EML6: variants seen among roughly 807,000 people sequenced by gnomAD.
EML6 encodes the protein echinoderm microtubule-associated protein-like 6.
Under a neutral mutation model 240.1 loss-of-function variants are expected in EML6, and 154 were observed. That is an observed-to-expected ratio of 0.64 (90% CI 0.56 to 0.73). EML6 has a LOEUF of 0.73. Ranked by LOEUF, EML6 falls within the 30% of genes least tolerant of loss-of-function variation. The pLI is 0.00. For synonymous variants in EML6, 1,148 were observed against 899.0 expected (o/e 1.28, Z -4.95); for missense variants, 2,964 against 2,474.6 (o/e 1.20, Z -4.20).
intron 31 of EML6, among the ~76,000 whole-genome samples, chr2:54,953,288 C>T (rs1260641804): frequency 6.6e-6 from 1 of 152,192 alleles, no homozygotes; most frequent in Non-Finnish European, 1.5e-5. Flanking sequence ...ATTGCTCACC[C>T]AATGCAGGTG....
chr2:54,784,278 G>T (rs1223154159), intron 2 of EML6, among the ~76,000 whole-genome samples: 1 of 152,074 alleles, frequency 6.6e-6, no homozygotes, highest in Non-Finnish European at 1.5e-5. Context: ...TCTTTATGAA[G>T]TTGTAAATTT....
At chr2:54,852,673 T>C (rs2103766900) in intron 10 of EML6, among the ~76,000 whole-genome samples, 1 of 152,342 alleles carries the variant, frequency 6.6e-6, no homozygotes, top group East Asian at 1.9e-4. Flanking sequence ...GTCTCTTTAA[T>C]GAAGTTTTAC....
intron 41 of EML6, 38 bp downstream of exon 41, chr2:54,968,806 CT>C: frequency 8.8e-7 from 1 of 1,140,690 alleles, no homozygotes. Context: ...CTCCACAGGC[CT>C]GGCCAGCTCT....
intron 2 of EML6, among the ~76,000 whole-genome samples, chr2:54,805,089 G>C (rs1385347743): frequency 7.9e-5 from 12 of 152,156 alleles, no homozygotes; most frequent in Admixed American, 7.9e-4. Flanking sequence ...GAATGCTCCA[G>C]AGTTCTTTCA....
Position 54,850,079 on chromosome 2 carries a change from T to C in EML6, c.1305T>C (p.Tyr435=). The change falls in exon 10 of 42, where the codon TAT becomes TAC. Residue 435 remains tyrosine (Y), a synonymous_variant. Coordinates refer to ENST00000356458, the MANE Select transcript of EML6 (RefSeq NM_001039753.4). ...CCAATGATGGCCCAGTAGATGTCTA[T>C]GCTGTTGCCCAGAGGTATAAGAAAA... The part of the protein sequence containing the change: ...VGSNDGPVDV[Y]AVAQRYKKIG... 1 of 1,552,138 alleles carries C rather than the reference T, an allele frequency of 6.4e-7. No individual in the cohort carries two copies. The highest frequency in any genetic ancestry group is 8.7e-7 in the Non-Finnish European group (1 of 1,147,074).
At chr2:54,940,349 G>C (rs1340930186) in intron 28 of EML6, among the ~76,000 whole-genome samples, 1 of 152,062 alleles carries the variant, frequency 6.6e-6, no homozygotes, top group African/African-American at 2.4e-5. Flanking sequence ...ATTTTATGGG[G>C]TTTCAGAGAT....
At chr2:54,861,900 T>C (rs1054230924) in intron 12 of EML6, among the ~76,000 whole-genome samples, 1 of 152,026 alleles carries the variant, frequency 6.6e-6, no homozygotes, top group Non-Finnish European at 1.5e-5. Flanking sequence ...GATATGTGAT[T>C]TACCCAACAG....
chr2:54,862,674 G>A (rs942555802), intron 12 of EML6, among the ~76,000 whole-genome samples: 16 of 152,022 alleles, frequency 1.1e-4, no homozygotes, highest in Admixed American at 5.9e-4. Context: ...GAAGCGCAAA[G>A]GACACGAGTA....
At chr2:54,926,193 C>G (rs1674536141) in intron 26 of EML6, among the ~76,000 whole-genome samples, 1 of 152,144 alleles carries the variant, frequency 6.6e-6, no homozygotes, top group East Asian at 1.9e-4. Context: ...CCTCTGCCTC[C>G]CAGGTTCAAG....
intron 2 of EML6, among the ~76,000 whole-genome samples, chr2:54,736,413 G>C (rs1218241176): frequency 6.6e-6 from 1 of 152,178 alleles, no homozygotes; most frequent in African/African-American, 2.4e-5. Flanking sequence ...TCTCTAACCA[G>C]ACATGTGACT....
intron 38 of EML6, 28 bp downstream of exon 38, chr2:54,964,761 G>T (rs13385999): frequency 0.079 from 122,521 of 1,548,896 alleles, 6,150 homozygotes; most frequent in African/African-American, 0.21. Context: ...TTATATCTGG[G>T]GCAACCAATA....
intron 16 of EML6, among the ~76,000 whole-genome samples, chr2:54,874,999 GCCT>G (rs1482296612): frequency 3.9e-5 from 6 of 152,078 alleles, no homozygotes; most frequent in Admixed American, 2.0e-4. Context: ...TAGGTGTCAG[GCCT>G]CCTCCAGCCG....
At chr2:54,831,741 A>G (rs1668881208) in intron 7 of EML6, among the ~76,000 whole-genome samples, 1 of 152,050 alleles carries the variant, frequency 6.6e-6, no homozygotes, top group Non-Finnish European at 1.5e-5. Flanking sequence ...TTGTGCTTTT[A>G]AAGGATGGTA....
intron 17 of EML6, among the ~76,000 whole-genome samples, chr2:54,889,774 G>A (rs1672366465): frequency 6.6e-6 from 1 of 152,022 alleles, no homozygotes; most frequent in Non-Finnish European, 1.5e-5. Context: ...ATCTCCTCTA[G>A]TTGCATTAGT....
chr2:54,894,950 G>T lies in EML6; in HGVS notation c.2778G>T (p.Glu926Asp). The change falls in exon 20 of 42, where the codon GAG (glutamate) becomes GAT (aspartate). Residue 926 changes from glutamate (E) to aspartate (D), a missense_variant. By Grantham distance (45) the Glu-to-Asp change is conservative (BLOSUM62 2). Transcript: ENST00000356458. ...CAGGTGGAAAGGACGGCATCGTGGA[G>T]CTCTGGGATGATATGTTTGAAAGAT... ...FVTGGKDGIV[E>D]LWDDMFERCL... 1.3e-6 allele frequency: 2 copies of T among 1,551,368 alleles called. No individual in the cohort carries two copies. The highest frequency in any genetic ancestry group is 1.2e-5 in the South Asian group (1 of 84,046).
intron 7 of EML6, among the ~76,000 whole-genome samples, chr2:54,832,051 C>T (rs1262315385): frequency 1.3e-5 from 2 of 152,126 alleles, no homozygotes; most frequent in East Asian, 1.9e-4. Flanking sequence ...TATCCTCTCC[C>T]CCTGGCTTGG....
intron 28 of EML6, among the ~76,000 whole-genome samples, chr2:54,935,825 T>G (rs141302572): frequency 1.3e-5 from 2 of 152,278 alleles, no homozygotes; most frequent in Non-Finnish European, 2.9e-5. Context: ...GGCAGGAGTT[T>G]AGATGAGCCT....
chr2:54,850,809 C>A (rs986770366), intron 10 of EML6, among the ~76,000 whole-genome samples: 1 of 152,122 alleles, frequency 6.6e-6, no homozygotes. Context: ...TGTTTATCAG[C>A]ATGAGGAGAG....
intron 2 of EML6, among the ~76,000 whole-genome samples, chr2:54,797,151 C>G (rs1313120765): frequency 1.7e-5 from 1 of 58,106 alleles, no homozygotes; most frequent in Non-Finnish European, 3.6e-5. Context: ...GGTGACAGAG[C>G]AAGACTCCAT....
Sources: gnomAD v4.1 joint callset for allele counts (sites outside exome capture counted in the v4.1 genomes callset) on GRCh38, gnomAD v4.1.1 for gene constraint, MANE v1.5 for transcripts, NCBI Gene and HGNC (gene_info 2026-07-23, HGNC 2026-07-21) for gene names.